The following CNTNAP2 variants were observed in gnomAD, a reference collection of about 807,000 sequenced individuals.
CNTNAP2 encodes contactin associated protein 2.
A neutral mutation model predicts 155.2 loss-of-function variants in CNTNAP2; 98 were observed. The observed-to-expected ratio is 0.63, with a 90% CI of 0.54 to 0.75. CNTNAP2 has a LOEUF of 0.75. CNTNAP2 is among the 30% of genes least tolerant of loss of function. The probability of loss-of-function intolerance (pLI) is 0.00; values close to 1 mark genes in which losing one functional copy is unlikely to be tolerated. For synonymous variants in CNTNAP2, 651 were observed against 631.2 expected (o/e 1.03, Z -0.47); for missense variants, 1,727 against 1,688.1 (o/e 1.02, Z -0.40).
intron 8 of CNTNAP2, among the ~76,000 whole-genome samples, chr7:147,276,000 G>A (rs1364587716): frequency 6.6e-6 from 1 of 151,858 alleles, no homozygotes; most frequent in African/African-American, 2.4e-5. Flanking sequence ...TTGATTACTG[G>A]AATAAAACCC....
intron 15 of CNTNAP2, among the ~76,000 whole-genome samples, chr7:148,009,080 C>G (rs555728934): frequency 1.3e-5 from 2 of 152,146 alleles, no homozygotes; most frequent in South Asian, 4.1e-4. Flanking sequence ...AGGTTATGTC[C>G]CAATAAATCC....
intron 13 of CNTNAP2, among the ~76,000 whole-genome samples, chr7:147,815,886 A>C (rs1269490423): frequency 1.3e-5 from 2 of 152,202 alleles, no homozygotes; most frequent in African/African-American, 4.8e-5. Flanking sequence ...CTGGCCTCAC[A>C]GTTCAGAGCT....
intron 3 of CNTNAP2, among the ~76,000 whole-genome samples, chr7:146,934,733 C>G (rs1796874501): frequency 6.6e-6 from 1 of 152,166 alleles, no homozygotes. Context: ...ATTATTTTCA[C>G]TGAATCATGA....
At chr7:147,250,441 G>A (rs901843702) in intron 8 of CNTNAP2, among the ~76,000 whole-genome samples, 2 of 152,034 alleles carry the variant, frequency 1.3e-5, no homozygotes, top group East Asian at 1.9e-4. Context: ...CGTGAGGATC[G>A]AATTTTTACA....
chr7:146,163,129 A>C (rs900974368), intron 1 of CNTNAP2, among the ~76,000 whole-genome samples: 2 of 152,206 alleles, frequency 1.3e-5, no homozygotes, highest in African/African-American at 4.8e-5. Flanking sequence ...CACGTTGTGC[A>C]CATGTACCCT....
At chr7:146,794,365 A>T (rs761823436) in intron 2 of CNTNAP2, among the ~76,000 whole-genome samples, 27 of 152,222 alleles carry the variant, frequency 1.8e-4, no homozygotes, top group Non-Finnish European at 3.5e-4. Context: ...AGAGGGATTG[A>T]TGATTAGAAG....
intron 3 of CNTNAP2, among the ~76,000 whole-genome samples, chr7:146,946,957 G>A (rs1436727685): frequency 1.3e-5 from 2 of 152,070 alleles, no homozygotes; most frequent in Non-Finnish European, 2.9e-5. Flanking sequence ...TTTTGTTCCT[G>A]TAGATTTAGA....
intron 3 of CNTNAP2, among the ~76,000 whole-genome samples, chr7:146,882,917 A>C (rs553654312): frequency 6.6e-6 from 1 of 152,336 alleles, no homozygotes; most frequent in South Asian, 2.1e-4. Context: ...GAAAGAAATC[A>C]GAGATGATGC....
chr7:146,903,611 C>G (rs115684051), intron 3 of CNTNAP2, among the ~76,000 whole-genome samples: 1 of 152,172 alleles, frequency 6.6e-6, no homozygotes, highest in Non-Finnish European at 1.5e-5. Context: ...TCTGACCTCT[C>G]TCTATCCTCC....
At chr7:147,104,294 G>A (rs2129278566) in intron 4 of CNTNAP2, among the ~76,000 whole-genome samples, 1 of 151,862 alleles carries the variant, frequency 6.6e-6, no homozygotes, top group South Asian at 2.1e-4. Flanking sequence ...TTAACTAATG[G>A]TACATTTTTA....
At chr7:147,825,171 A>G (rs1184933827) in intron 13 of CNTNAP2, among the ~76,000 whole-genome samples, 2 of 152,232 alleles carry the variant, frequency 1.3e-5, no homozygotes, top group Non-Finnish European at 2.9e-5. Flanking sequence ...TTCTTGTTTC[A>G]ATTTTATATG....
chr7:147,188,914 C>T (rs1363135274), intron 8 of CNTNAP2, among the ~76,000 whole-genome samples: 3 of 152,112 alleles, frequency 2.0e-5, no homozygotes, highest in Non-Finnish European at 4.4e-5. Flanking sequence ...GGGCTAGCAT[C>T]ACAAAATTAC....
chr7:147,049,602 C>T (rs1430249494), intron 4 of CNTNAP2, among the ~76,000 whole-genome samples: 1 of 152,106 alleles, frequency 6.6e-6, no homozygotes, highest in Non-Finnish European at 1.5e-5. Context: ...GTGCTGTGTA[C>T]TCTAGGGTCT....
chr7:147,501,548 G>C (rs969620938), intron 11 of CNTNAP2, among the ~76,000 whole-genome samples: 1 of 152,144 alleles, frequency 6.6e-6, no homozygotes, highest in African/African-American at 2.4e-5. Flanking sequence ...AATGCAATTT[G>C]GTGTACTTCA....
At position 146,201,530 on chromosome 7, in the gene CNTNAP2, T is replaced by C. The variant is rs1390031453; in HGVS notation, c.97+84557T>C. On this transcript the variant is annotated intron_variant, in intron 1 of 23. Coordinates refer to ENST00000361727, the MANE Select transcript of CNTNAP2 (RefSeq NM_014141.6). ...CACAAGTTTACTGTTTGTTGGATTT[T>C]CCAGCATATTTAAAAGTGGAAAATG... 2.6e-5 allele frequency among the ~76,000 whole-genome samples: 4 copies of C among 152,128 alleles called. No individual in the cohort carries two copies. The East Asian group carries it at 5.8e-4, about 22-fold the overall frequency.
intron 4 of CNTNAP2, among the ~76,000 whole-genome samples, chr7:147,064,962 T>C (rs537538362): frequency 6.6e-6 from 1 of 152,208 alleles, no homozygotes; most frequent in Non-Finnish European, 1.5e-5. Flanking sequence ...AAATGAAAAA[T>C]AAAATGCTGA....
intron 1 of CNTNAP2, among the ~76,000 whole-genome samples, chr7:146,713,527 T>G (rs1801134491): frequency 1.3e-5 from 2 of 152,276 alleles, no homozygotes; most frequent in South Asian, 4.1e-4. Context: ...CAGATTTCAG[T>G]TCTCTCCTGC....
Position 146,281,011 on chromosome 7 carries a change from C to T in CNTNAP2, c.97+164038C>T, listed in dbSNP as rs150207065. Among the ~76,000 whole-genome samples, 675 of 152,248 alleles carry T rather than the reference C, an allele frequency of 4.4e-3. 4 individuals carry two copies. The highest frequency in any genetic ancestry group is 0.015 in the African/African-American group (643 of 41,554). ...GAAGTGACCGTCAATTCCTGGAAACCTTGGCCATCTTGCTCCCTCTGTGAG... is the reference window on the plus strand; with the variant it reads ...GAAGTGACCGTCAATTCCTGGAAACTTTGGCCATCTTGCTCCCTCTGTGAG... On this transcript the variant is annotated intron_variant, in intron 1 of 23. Coordinates refer to ENST00000361727, the MANE Select transcript of CNTNAP2 (RefSeq NM_014141.6).
chr7:147,006,304 A>G (rs1584778979), intron 3 of CNTNAP2, among the ~76,000 whole-genome samples: 2 of 152,060 alleles, frequency 1.3e-5, no homozygotes, highest in East Asian at 3.9e-4. Flanking sequence ...AGATTTATGT[A>G]GGTGTCTTCT....
Sources: allele counts gnomAD v4.1 joint callset (sites outside exome capture counted in the v4.1 genomes callset), GRCh38; gene constraint gnomAD v4.1.1; transcripts MANE v1.5; gene names NCBI Gene and HGNC (gene_info 2026-07-23, HGNC 2026-07-21).